FRMPD4: variants seen among roughly 807,000 people sequenced by gnomAD.
FRMPD4 encodes FERM and PDZ domain containing 4.
Under a neutral mutation model 94.1 loss-of-function variants are expected in FRMPD4, and 22 were observed. The observed-to-expected ratio is 0.23, with a 90% confidence interval of 0.17 to 0.33. The LOEUF is 0.33. FRMPD4 is among the 10% of genes least tolerant of loss of function. The pLI, the probability that FRMPD4 is intolerant of heterozygous loss-of-function variation, is 1.00. For missense variants in FRMPD4, 1,111 were observed against 1,339.9 expected (o/e 0.83, Z 2.67); for synonymous variants, 631 against 548.6 (o/e 1.15, Z -2.10).
intron 7 of FRMPD4, among the ~76,000 whole-genome samples, chrX:12,686,446 T>C (rs1413014673): frequency 1.8e-5 from 2 of 112,249 alleles, no homozygotes; most frequent in East Asian, 5.6e-4. Context: ...ATGCTGTCAG[T>C]GAAGAAACAC....
chrX:12,597,096 G>T (rs2059038947), intron 2 of FRMPD4, among the ~76,000 whole-genome samples: 1 of 112,002 alleles, frequency 8.9e-6, no homozygotes, highest in African/African-American at 3.2e-5. Context: ...GGTGTGACTT[G>T]ATTATTATTG....
chrX:11,896,406 G>A (rs1483064291), intron 3 of FRMPD4, among the ~76,000 whole-genome samples: 2 of 111,090 alleles, frequency 1.8e-5, no homozygotes, highest in Non-Finnish European at 3.8e-5. Context: ...GTCATTAGGA[G>A]GTGATTGGGT....
Position 12,258,010 on chromosome X carries a change from T to C in FRMPD4, c.41+118998T>C, listed in dbSNP as rs1384559445. Among the ~76,000 whole-genome samples, 5 of 110,718 alleles carry C rather than the reference T, an allele frequency of 4.5e-5. No individual in the cohort carries two copies. The East Asian group carries it at 1.1e-3, about 25-fold the overall frequency. ...TACTAGTCTAGATTCCCTCTCATCC[T>C]GAAGGTACTCTTCCTTTCATTTTTT... On this transcript the variant is annotated intron_variant, in intron 1 of 16. Coordinates refer to ENST00000675598, the MANE Select transcript of FRMPD4 (RefSeq NM_001368397.1).
At chrX:12,054,696 A>G (rs989111869) in intron 3 of FRMPD4, 17 of 111,915 alleles carry the variant, frequency 1.5e-4, no homozygotes, top group African/African-American at 5.5e-4. Context: ...AGTTTAACTA[A>G]CTCTGGCAAG....
intron 1 of FRMPD4, among the ~76,000 whole-genome samples, chrX:12,168,234 T>A (rs1344667700): frequency 9.0e-6 from 1 of 111,413 alleles, no homozygotes; most frequent in Non-Finnish European, 1.9e-5. Flanking sequence ...ACACTCTCCT[T>A]CCTTTGCCCA....
chrX:12,594,075 C>T (rs2059006786), intron 2 of FRMPD4, among the ~76,000 whole-genome samples: 1 of 110,621 alleles, frequency 9.0e-6, no homozygotes, highest in Non-Finnish European at 1.9e-5. Context: ...TTTTTGAATT[C>T]TACAAGTTCT....
chrX:12,604,212 A>G (rs1286600775), intron 2 of FRMPD4, among the ~76,000 whole-genome samples: 1 of 110,911 alleles, frequency 9.0e-6, no homozygotes. Flanking sequence ...GAAAGGACGT[A>G]TGCCTGTATC....
intron 1 of FRMPD4, among the ~76,000 whole-genome samples, chrX:12,287,848 C>G (rs1035337234): frequency 8.9e-6 from 1 of 111,811 alleles, no homozygotes; most frequent in African/African-American, 3.3e-5. Context: ...AGTACAGTAC[C>G]CAATTAACAG....
chrX:12,445,603 C>T (rs915587460), intron 1 of FRMPD4, among the ~76,000 whole-genome samples: 1 of 112,168 alleles, frequency 8.9e-6, no homozygotes, highest in Non-Finnish European at 1.9e-5. Context: ...ATTTATATCC[C>T]TATTTTATAG....
chrX:12,262,776 G>A (rs993152284), intron 1 of FRMPD4, among the ~76,000 whole-genome samples: 6 of 111,713 alleles, frequency 5.4e-5, no homozygotes, highest in African/African-American at 2.0e-4. Context: ...CTCTAAAAAG[G>A]AGATAGTTGT....
intron 2 of FRMPD4, among the ~76,000 whole-genome samples, chrX:12,502,152 A>G (rs777556844): frequency 4.5e-4 from 50 of 111,914 alleles, no homozygotes; most frequent in Admixed American, 5.7e-4. Flanking sequence ...ATGAACAGCT[A>G]TGGTTGCTGC....
chrX:12,204,457 C>T (rs1325587590), intron 1 of FRMPD4, among the ~76,000 whole-genome samples: 3 of 111,584 alleles, frequency 2.7e-5, no homozygotes, highest in East Asian at 2.8e-4. Flanking sequence ...CTCTGAGGTA[C>T]GCTGCCGAAA....
intron 1 of FRMPD4, among the ~76,000 whole-genome samples, chrX:11,828,337 G>A (rs1413189644): frequency 8.9e-6 from 1 of 112,025 alleles, no homozygotes; most frequent in Non-Finnish European, 1.9e-5. Flanking sequence ...GCAACTGCCC[G>A]CACCAGACTT....
chrX:12,054,297 C>T (rs575617936), intron 3 of FRMPD4, among the ~76,000 whole-genome samples: 3 of 110,564 alleles, frequency 2.7e-5, no homozygotes, highest in South Asian at 3.9e-4. Context: ...GGTGAGGGGC[C>T]GTCAGCATTT....
At chrX:12,553,385 C>T (rs759687900) in intron 2 of FRMPD4, among the ~76,000 whole-genome samples, 2 of 96,473 alleles carry the variant, frequency 2.1e-5, no homozygotes, top group Admixed American at 2.4e-4. Context: ...TCTTATGCAA[C>T]TACATATAGT....
chrX:12,225,745 A>G (rs142043101), intron 1 of FRMPD4, among the ~76,000 whole-genome samples: 128 of 112,552 alleles, frequency 1.1e-3, no homozygotes, highest in African/African-American at 3.9e-3. Flanking sequence ...CAATTGGCCA[A>G]GGAAGTATCT....
chrX:12,346,949 T>C (rs1330765206), intron 1 of FRMPD4, among the ~76,000 whole-genome samples: 1 of 111,931 alleles, frequency 8.9e-6, no homozygotes, highest in African/African-American at 3.2e-5. Context: ...GAGTAATATT[T>C]TTCATTGCCA....
intron 1 of FRMPD4, among the ~76,000 whole-genome samples, chrX:12,366,113 A>G (rs1012254375): frequency 8.9e-6 from 1 of 112,314 alleles, no homozygotes; most frequent in Non-Finnish European, 1.9e-5. Context: ...CTTGGGGTTC[A>G]GGGAACATCA....
chrX:12,282,435 C>G (rs2054540479), intron 1 of FRMPD4, among the ~76,000 whole-genome samples: 1 of 112,009 alleles, frequency 8.9e-6, no homozygotes, highest in East Asian at 2.8e-4. Flanking sequence ...ATCTTTATAC[C>G]AAGTAGTTGT....
Sources: gnomAD v4.1 joint callset for allele counts (sites outside exome capture counted in the v4.1 genomes callset) on GRCh38, gnomAD v4.1.1 for gene constraint, MANE v1.5 for transcripts, NCBI Gene and HGNC (gene_info 2026-07-23, HGNC 2026-07-21) for gene names.